Variants in MLLT10 observed in about 807,000 individuals in gnomAD.
MLLT10 encodes MLLT10 histone lysine methyltransferase DOT1L cofactor, also known as protein AF-10.
A neutral mutation model predicts 129.1 loss-of-function variants in MLLT10; 30 were observed. The observed-to-expected ratio is 0.23, with a 90% confidence interval of 0.17 to 0.32. The LOEUF (loss-of-function observed/expected upper bound fraction) is 0.32, where lower values mean the gene tolerates loss of function less well. MLLT10 is among the 10% of genes least tolerant of loss of function. MLLT10 has a pLI of 1.00. For missense variants in MLLT10, 1,119 were observed against 1,268.3 expected, an observed-to-expected ratio of 0.88 and a Z score of 1.79; for synonymous variants, 490 against 446.4, an observed-to-expected ratio of 1.10 and a Z score of -1.23.
At chr10:21,663,443 C>A (rs1020437723) in intron 9 of MLLT10, among the ~76,000 whole-genome samples, 14 of 149,800 alleles carry the variant, frequency 9.3e-5, no homozygotes, top group Admixed American at 1.3e-4. Context: ...ATGGTGTGAT[C>A]TCGGCTCACT....
chr10:21,599,718 C>A (rs1444904625), intron 5 of MLLT10, among the ~76,000 whole-genome samples: 1 of 152,108 alleles, frequency 6.6e-6, no homozygotes, highest in Non-Finnish European at 1.5e-5. Context: ...GCACACCCAT[C>A]ACACCCGGCT....
intron 3 of MLLT10, among the ~76,000 whole-genome samples, chr10:21,568,896 A>G (rs2039892827): frequency 6.6e-6 from 1 of 152,172 alleles, no homozygotes; most frequent in South Asian, 2.1e-4. Context: ...GACCTCCCAA[A>G]GTGCTGGAAT....
At chr10:21,611,939 C>G (rs1227398680) in intron 5 of MLLT10, among the ~76,000 whole-genome samples, 1 of 151,828 alleles carries the variant, frequency 6.6e-6, no homozygotes, top group Admixed American at 6.6e-5. Flanking sequence ...TTCAAACCCT[C>G]TTAGATATGA....
intron 14 of MLLT10, among the ~76,000 whole-genome samples, chr10:21,720,911 CTGT>C (rs1195902047): frequency 1.3e-5 from 2 of 152,072 alleles, no homozygotes; most frequent in Non-Finnish European, 2.9e-5. Context: ...GAGGTAGATA[CTGT>C]TGTTATCCTC....
chr10:21,553,087 C>A (rs1259539196), intron 3 of MLLT10, among the ~76,000 whole-genome samples: 1 of 152,084 alleles, frequency 6.6e-6, no homozygotes, highest in Non-Finnish European at 1.5e-5. Flanking sequence ...TATCCCCCTA[C>A]TCCCCTGTTT....
chr10:21,694,217 G>T (rs1178673591), intron 13 of MLLT10, among the ~76,000 whole-genome samples: 1 of 152,126 alleles, frequency 6.6e-6, no homozygotes, highest in African/African-American at 2.4e-5. Flanking sequence ...TAGCTATTAA[G>T]AACAGAAAAT....
chr10:21,687,780 C>A (rs1449278222), intron 13 of MLLT10, among the ~76,000 whole-genome samples: 3 of 152,106 alleles, frequency 2.0e-5, no homozygotes, highest in African/African-American at 7.2e-5. Flanking sequence ...TAAACCTAGA[C>A]CTTAGAATTG....
chr10:21,627,095 A>T (rs1026674067), intron 8 of MLLT10, among the ~76,000 whole-genome samples: 1 of 152,132 alleles, frequency 6.6e-6, no homozygotes, highest in East Asian at 1.9e-4. Context: ...AAGTTGCAAA[A>T]ATACTACAAA....
At chr10:21,596,507 A>T (rs986714312) in intron 5 of MLLT10, among the ~76,000 whole-genome samples, 1 of 152,192 alleles carries the variant, frequency 6.6e-6, no homozygotes, top group South Asian at 2.1e-4. Context: ...GGAAGCTTCA[A>T]TAAATACATT....
chr10:21,705,892 G>C (rs1401615993), intron 13 of MLLT10, among the ~76,000 whole-genome samples: 2 of 152,170 alleles, frequency 1.3e-5, no homozygotes, highest in Non-Finnish European at 2.9e-5. Context: ...GTTTATTTCA[G>C]AGCCTGAAAG....
rs1336088339 is a variant in MLLT10 at position 21,534,467 on chromosome 10, G to T, written c.-54G>T. ...AGGGGAGGTGGGGGGAATCAGCAAG[G>T]ACATGGCTCCTGACTCCTGTGCGGA... On this transcript the variant is annotated 5_prime_UTR_variant, in exon 1 of 23. Transcript: ENST00000307729. 7.0e-6 allele frequency: 4 copies of T among 572,846 alleles called. No individual in the cohort carries two copies. The highest frequency in any genetic ancestry group is 1.2e-5 in the Non-Finnish European group (4 of 336,982). 35.5% of individuals were successfully genotyped at this position (572,846 alleles called of 1,614,324 possible).
At chr10:21,643,547 C>T (rs1195244114) in intron 8 of MLLT10, among the ~76,000 whole-genome samples, 1 of 152,122 alleles carries the variant, frequency 6.6e-6, no homozygotes, top group Non-Finnish European at 1.5e-5. Context: ...GTTCTTAGGA[C>T]TTGTGTTCTC....
At chr10:21,556,419 C>G (rs1218749691) in intron 3 of MLLT10, among the ~76,000 whole-genome samples, 1 of 152,072 alleles carries the variant, frequency 6.6e-6, no homozygotes, top group Non-Finnish European at 1.5e-5. Flanking sequence ...GTTGACAAAC[C>G]TGGTTACCAA....
intron 5 of MLLT10, among the ~76,000 whole-genome samples, chr10:21,608,743 CTT>C (rs2044308495): frequency 6.6e-6 from 1 of 151,978 alleles, no homozygotes; most frequent in Non-Finnish European, 1.5e-5. Context: ...CTATTGATCT[CTT>C]CTTAAGTTTG....
At chr10:21,707,988 G>T (rs1199320964) in intron 13 of MLLT10, among the ~76,000 whole-genome samples, 1 of 152,024 alleles carries the variant, frequency 6.6e-6, no homozygotes, top group Non-Finnish European at 1.5e-5. Flanking sequence ...TCACTCTTGT[G>T]GTACCTTTTT....
intron 4 of MLLT10, among the ~76,000 whole-genome samples, chr10:21,589,483 C>T (rs1282797136): frequency 6.6e-6 from 1 of 152,038 alleles, no homozygotes; most frequent in Admixed American, 6.6e-5. Context: ...TGAGCCACTG[C>T]ACCTGGTGTA....
At chr10:21,684,144 A>G (rs577307070) in intron 13 of MLLT10, among the ~76,000 whole-genome samples, 2 of 152,130 alleles carry the variant, frequency 1.3e-5, no homozygotes, top group South Asian at 4.2e-4. Context: ...CTGAGTAGAT[A>G]GGACTGCAGG....
intron 13 of MLLT10, among the ~76,000 whole-genome samples, chr10:21,695,002 G>A (rs941406647): frequency 6.6e-6 from 1 of 150,638 alleles, no homozygotes; most frequent in Non-Finnish European, 1.5e-5. Context: ...GTCTGACTTC[G>A]CCTTCTGCCG....
chr10:21,725,603 A>T (rs1417881501), intron 14 of MLLT10, among the ~76,000 whole-genome samples: 1 of 151,052 alleles, frequency 6.6e-6, no homozygotes, highest in African/African-American at 2.4e-5. Context: ...CGCCTCCTGT[A>T]ATCCCAGCCA....
Sources: allele counts gnomAD v4.1 joint callset (sites outside exome capture counted in the v4.1 genomes callset), GRCh38; gene constraint gnomAD v4.1.1; transcripts MANE v1.5; gene names NCBI Gene and HGNC (gene_info 2026-07-23, HGNC 2026-07-21).